The following CADM2 variants were observed in gnomAD, a reference collection of about 807,000 sequenced individuals.
CADM2 encodes immunoglobulin superfamily member 4D.
Under a neutral mutation model 49.8 loss-of-function variants are expected in CADM2, and 12 were observed. The ratio of observed to expected loss-of-function variants is 0.24; its 90% CI spans 0.15 to 0.39. The LOEUF is 0.39. Among genes scored for constraint, CADM2 ranks in the 10% least tolerant of loss-of-function variants. The pLI, the probability that CADM2 is intolerant of heterozygous loss-of-function variation, is 1.00. For missense variants in CADM2, 378 were observed against 492.3 expected (o/e 0.77, Z 2.20); for synonymous variants, 214 against 175.4 (o/e 1.22, Z -1.74).
intron 1 of CADM2, among the ~76,000 whole-genome samples, chr3:85,509,149 C>T (rs1384919693): frequency 6.6e-6 from 1 of 152,090 alleles, no homozygotes; most frequent in African/African-American, 2.4e-5. Context: ...TACTATTTGA[C>T]ATTTAAAACA....
intron 2 of CADM2, among the ~76,000 whole-genome samples, chr3:85,731,120 A>C (rs2067915030): frequency 6.6e-6 from 1 of 152,286 alleles, no homozygotes; most frequent in African/African-American, 2.4e-5. Context: ...GGAGAATATT[A>C]TAAATCTGCT....
intron 1 of CADM2, among the ~76,000 whole-genome samples, chr3:85,182,628 TAAAC>T (rs1050221075): frequency 6.6e-5 from 10 of 152,126 alleles, no homozygotes; most frequent in African/African-American, 2.4e-4. Flanking sequence ...TTAATTTTGA[TAAAC>T]ATACTATCAT....
chr3:85,401,253 T>G (rs2107439599), intron 1 of CADM2, among the ~76,000 whole-genome samples: 1 of 152,262 alleles, frequency 6.6e-6, no homozygotes, highest in East Asian at 1.9e-4. Context: ...TTTTTCTCAC[T>G]GGTAAAAGTA....
chr3:85,948,205 T>C (rs982359532), intron 7 of CADM2, among the ~76,000 whole-genome samples: 1 of 151,528 alleles, frequency 6.6e-6, no homozygotes. Context: ...TTGTAGAAAG[T>C]TTGCAGAAAA....
chr3:85,965,890 T>C (rs1188849780), intron 8 of CADM2, among the ~76,000 whole-genome samples: 1 of 151,650 alleles, frequency 6.6e-6, no homozygotes, highest in Admixed American at 6.6e-5. Context: ...TTATCATCAA[T>C]TGATTAAAAA....
chr3:85,569,088 A>G (rs538950200), intron 1 of CADM2, among the ~76,000 whole-genome samples: 1 of 152,258 alleles, frequency 6.6e-6, no homozygotes, highest in South Asian at 2.1e-4. Context: ...AAACAGCTCT[A>G]TCACCACGAG....
chr3:85,458,041 A>G (rs2038071990), intron 1 of CADM2, among the ~76,000 whole-genome samples: 1 of 152,066 alleles, frequency 6.6e-6, no homozygotes, highest in African/African-American at 2.4e-5. Flanking sequence ...CCACAATTCA[A>G]TCTCTGTTTC....
At chr3:85,548,081 G>A (rs1421717243) in intron 1 of CADM2, among the ~76,000 whole-genome samples, 2 of 151,660 alleles carry the variant, frequency 1.3e-5, no homozygotes, top group Admixed American at 1.3e-4. Flanking sequence ...GTTAACTAGA[G>A]CCAGTTATTT....
intron 1 of CADM2, among the ~76,000 whole-genome samples, chr3:85,600,992 AAGAT>A (rs1021890876): frequency 6.0e-5 from 9 of 150,736 alleles, no homozygotes; most frequent in African/African-American, 2.2e-4. Flanking sequence ...TAAAGATAGA[AAGAT>A]AGATAAATAC....
chr3:85,106,537 A>G (rs1189407038), intron 1 of CADM2, among the ~76,000 whole-genome samples: 1 of 152,180 alleles, frequency 6.6e-6, no homozygotes, highest in Admixed American at 6.6e-5. Context: ...GTGGCATATT[A>G]TGTGAGAGGT....
At chr3:85,011,632 G>A (rs1440607059) in intron 1 of CADM2, among the ~76,000 whole-genome samples, 1 of 152,092 alleles carries the variant, frequency 6.6e-6, no homozygotes, top group Non-Finnish European at 1.5e-5. Flanking sequence ...AAAAGAAGAG[G>A]GAATTTTATG....
At chr3:85,740,138 T>G (rs1264710026) in intron 2 of CADM2, among the ~76,000 whole-genome samples, 1 of 152,198 alleles carries the variant, frequency 6.6e-6, no homozygotes. Flanking sequence ...GGAATCCAGT[T>G]GGCATGCATG....
chr3:85,663,696 TC>T (rs2065478382), intron 1 of CADM2, among the ~76,000 whole-genome samples: 1 of 152,014 alleles, frequency 6.6e-6, no homozygotes, highest in South Asian at 2.1e-4. Context: ...GTTTTCAACT[TC>T]CCACAGGATC....
At chr3:86,064,048 T>G (rs1188404310) in intron 8 of CADM2, among the ~76,000 whole-genome samples, 1 of 150,646 alleles carries the variant, frequency 6.6e-6, no homozygotes. Flanking sequence ...TTTTTTTTAA[T>G]ATATATATAT....
chr3:85,924,286 G>C (rs1402918657), intron 6 of CADM2, among the ~76,000 whole-genome samples: 1 of 151,942 alleles, frequency 6.6e-6, no homozygotes, highest in Non-Finnish European at 1.5e-5. Flanking sequence ...GTACCATAGA[G>C]TCAACAGTTA....
chr3:85,921,595 T>G (rs1317993543), intron 6 of CADM2, among the ~76,000 whole-genome samples: 1 of 152,126 alleles, frequency 6.6e-6, no homozygotes, highest in Non-Finnish European at 1.5e-5. Context: ...GTTTCCCCTA[T>G]TATTAATATC....
intron 1 of CADM2, among the ~76,000 whole-genome samples, chr3:85,109,693 A>G (rs1325545875): frequency 6.6e-6 from 1 of 151,924 alleles, no homozygotes; most frequent in East Asian, 1.9e-4. Context: ...CAAGAGGAAA[A>G]GTTTCTTAAT....
chr3:85,380,491 A>T (rs2033841511), intron 1 of CADM2, among the ~76,000 whole-genome samples: 2 of 151,950 alleles, frequency 1.3e-5, no homozygotes, highest in Non-Finnish European at 2.9e-5. Context: ...TGTAATGTGG[A>T]ACCCAATTTT....
chr3:85,712,042 C>T (rs759998227), intron 1 of CADM2, among the ~76,000 whole-genome samples: 1 of 152,128 alleles, frequency 6.6e-6, no homozygotes, highest in Non-Finnish European at 1.5e-5. Flanking sequence ...TATTTCTGTA[C>T]TTGACTTGAT....
Sources: gnomAD v4.1 joint callset for allele counts (sites outside exome capture counted in the v4.1 genomes callset) on GRCh38, gnomAD v4.1.1 for gene constraint, MANE v1.5 for transcripts, NCBI Gene and HGNC (gene_info 2026-07-23, HGNC 2026-07-21) for gene names.